USH2A: variants seen among roughly 807,000 people sequenced by gnomAD.
The protein encoded by USH2A is Usher syndrome 2A (autosomal recessive, mild).
A neutral mutation model predicts 538.9 loss-of-function variants in USH2A; 443 were observed. That is an observed-to-expected ratio of 0.82 (90% CI 0.76 to 0.89). The LOEUF (loss-of-function observed/expected upper bound fraction) is 0.89. Among genes scored for constraint, USH2A ranks in the 40% least tolerant of loss-of-function variants. The pLI is 0.00. For synonymous variants in USH2A, 2,413 were observed against 2,273.5 expected (o/e 1.06, Z -1.75); for missense variants, 6,633 against 6,324.8 (o/e 1.05, Z -1.65).
At chr1:215,935,028 A>G (rs1666458939) in intron 37 of USH2A, among the ~76,000 whole-genome samples, 1 of 151,982 alleles carries the variant, frequency 6.6e-6, no homozygotes, top group South Asian at 2.1e-4. Context: ...CGGCAATCGA[A>G]ATAATTTGAT....
At chr1:215,961,213 A>G (rs1159509504) in intron 37 of USH2A, among the ~76,000 whole-genome samples, 1 of 152,090 alleles carries the variant, frequency 6.6e-6, no homozygotes, top group African/African-American at 2.4e-5. Flanking sequence ...TGAAGTCTAC[A>G]TATAATTATT....
In USH2A at chr1:215,745,692, A is replaced by G. The variant is rs993181996; in HGVS notation, c.11390-2357T>C. Among the ~76,000 whole-genome samples, 5 of 152,322 alleles carry G rather than the reference A, an allele frequency of 3.3e-5. No individual in the cohort carries two copies. The East Asian group carries it at 9.6e-4, about 29-fold the overall frequency. ...TTAAATAACTTGTTCCAGATTGCAC[A>G]CTGATTAATTGGAGAAGCAAGGACT... is the stretch of plus-strand genomic sequence containing the variant. On this transcript the variant is annotated intron_variant, in intron 58 of 71. Coordinates refer to ENST00000307340, the MANE Select transcript of USH2A (RefSeq NM_206933.4).
intron 11 of USH2A, among the ~76,000 whole-genome samples, chr1:216,269,099 T>C (rs1298211400): frequency 6.6e-6 from 1 of 152,088 alleles, no homozygotes; most frequent in Non-Finnish European, 1.5e-5. Context: ...ATTTAAACCT[T>C]AGAAAGATCA....
chr1:216,235,597 T>C (rs565825999), intron 13 of USH2A, among the ~76,000 whole-genome samples: 6 of 152,322 alleles, frequency 3.9e-5, no homozygotes, highest in South Asian at 2.1e-4. Context: ...TTCAAAGTTA[T>C]TAGCAAGGCA....
intron 11 of USH2A, among the ~76,000 whole-genome samples, chr1:216,278,509 G>T (rs999741892): frequency 2.6e-5 from 4 of 152,082 alleles, no homozygotes; most frequent in African/African-American, 9.7e-5. Context: ...AGCTCTATGA[G>T]AAATATTACT....
chr1:216,083,965 C>A (rs2032033407), intron 25 of USH2A, among the ~76,000 whole-genome samples: 3 of 151,994 alleles, frequency 2.0e-5, no homozygotes, highest in Admixed American at 6.6e-5. Flanking sequence ...TTATTAATAT[C>A]ATATGCCTTT....
rs12119519 is a variant in USH2A, at chr1:216,175,574, T to C, written c.4397-92A>G. 9,984 of 1,184,030 alleles carry C rather than the reference T, an allele frequency of 8.4e-3. 94 individuals are homozygous for C. Among genetic ancestry groups the C allele is most frequent in the Non-Finnish European group, 9.1e-3 (7,304 of 800,514 alleles). The allele number at this position is 1,184,030 out of a possible 1,614,324, so 73.3% of individuals were successfully genotyped here. A position where few individuals can be genotyped will look rare whatever the true frequency, so the allele number is the denominator to read the frequency against. On this transcript the variant is annotated intron_variant, in intron 20 of 71. Transcript: ENST00000307340. Reference sequence around the variant, plus strand: ...ATATACGTATATATGTATTTGTATATATCACACTTCAAATCAAATCAGTTG... The same window carrying C: ...ATATACGTATATATGTATTTGTATACATCACACTTCAAATCAAATCAGTTG...
chr1:216,308,366 G>A (rs1308700179), intron 9 of USH2A, among the ~76,000 whole-genome samples: 1 of 151,986 alleles, frequency 6.6e-6, no homozygotes, highest in Non-Finnish European at 1.5e-5. Context: ...TCCAGATTTT[G>A]CCATCTTTGA....
rs568094294 is a variant in USH2A at position 216,218,622 on chromosome 1, C to T, written c.2994-1072G>A. Among the ~76,000 whole-genome samples, 148 of 152,186 alleles carry T rather than the reference C, an allele frequency of 9.7e-4. 1 individual carries two copies. The highest frequency in any genetic ancestry group is 1.2e-3 in the South Asian group (6 of 4,830). On this transcript the variant is annotated intron_variant, in intron 14 of 71. Coordinates refer to ENST00000307340, the MANE Select transcript of USH2A (RefSeq NM_206933.4). ...AAAGCTAAGACTGCCAAATAAGCTG[C>T]AAATTTGTTTTATGGACTAATATCC...
At chr1:216,093,575 A>G (rs1311492671) in intron 22 of USH2A, among the ~76,000 whole-genome samples, 2 of 152,026 alleles carry the variant, frequency 1.3e-5, no homozygotes, top group African/African-American at 2.4e-5. Flanking sequence ...TGACCCCTTT[A>G]CCCTCCTATC....
In USH2A at chr1:215,625,847, C is replaced by G. The variant is rs1197061758; in HGVS notation, c.15543G>C (p.Met5181Ile). The G allele has an allele frequency of 6.2e-7, 1 of 1,614,082 alleles. No homozygotes were observed. Among genetic ancestry groups the G allele is most frequent in the Admixed American group, 1.7e-5 (1 of 60,022 alleles). ...SGLYVDEEDL[M>I]NAIKDFSSVT... ...CTGAGCTGAAATCCTTGATGGCGTT[C>G]ATCAGGTCCTCTTCATCCACATACT... Residue 5181 changes from methionine (M) to isoleucine (I), a missense_variant, in exon 72 of 72, where the codon ATG (methionine) becomes ATC (isoleucine). Met to Ile is a conservative substitution (Grantham distance 10). Coordinates refer to ENST00000307340, the MANE Select transcript of USH2A (RefSeq NM_206933.4).
intron 32 of USH2A, among the ~76,000 whole-genome samples, chr1:216,018,300 A>T (rs1007501378): frequency 1.3e-4 from 20 of 152,198 alleles, no homozygotes; most frequent in Non-Finnish European, 2.6e-4. Flanking sequence ...CTTAAGGGGC[A>T]CATTCAAGAA....
At chr1:216,417,917 G>A (rs908839143) in intron 3 of USH2A, among the ~76,000 whole-genome samples, 1 of 152,082 alleles carries the variant, frequency 6.6e-6, no homozygotes, top group Non-Finnish European at 1.5e-5. Context: ...GATGAACTGT[G>A]CCTCTCTTCT....
intron 21 of USH2A, among the ~76,000 whole-genome samples, chr1:216,149,168 T>C (rs2033779306): frequency 6.6e-6 from 1 of 152,134 alleles, no homozygotes; most frequent in Non-Finnish European, 1.5e-5. Flanking sequence ...CTTACTGTTT[T>C]AACCTAGCCC....
chr1:215,852,607 C>T (rs1484365185), intron 44 of USH2A, among the ~76,000 whole-genome samples: 4 of 152,110 alleles, frequency 2.6e-5, no homozygotes, highest in Non-Finnish European at 5.9e-5. Flanking sequence ...AAGGCAAGTC[C>T]CTGCTGCCTA....
At chr1:216,378,341 C>A (rs1188767980) in intron 3 of USH2A, among the ~76,000 whole-genome samples, 1 of 152,072 alleles carries the variant, frequency 6.6e-6, no homozygotes, top group Admixed American at 6.5e-5. Flanking sequence ...AGACTTACAG[C>A]AATGGACATT....
chr1:216,369,429 CTAACTGG>C (rs1431481422), intron 3 of USH2A, among the ~76,000 whole-genome samples: 3 of 152,176 alleles, frequency 2.0e-5, no homozygotes, highest in African/African-American at 4.8e-5. Context: ...GACCTCCAAT[CTAACTGG>C]TAAAGTCTCC....
chr1:215,903,988 T>C (rs1665569341), intron 38 of USH2A, among the ~76,000 whole-genome samples: 1 of 152,120 alleles, frequency 6.6e-6, no homozygotes, highest in African/African-American at 2.4e-5. Context: ...AATCATAATT[T>C]ATTTGACATA....
At chr1:215,656,244 T>C (rs943115527) in intron 64 of USH2A, among the ~76,000 whole-genome samples, 4 of 152,202 alleles carry the variant, frequency 2.6e-5, no homozygotes, top group African/African-American at 4.8e-5. Context: ...CCAAGTATTG[T>C]CTTACAGCAA....
Sources: allele counts gnomAD v4.1 joint callset (sites outside exome capture counted in the v4.1 genomes callset), GRCh38; gene constraint gnomAD v4.1.1; transcripts MANE v1.5; gene names NCBI Gene and HGNC (gene_info 2026-07-23, HGNC 2026-07-21).